TLE2: variants seen among roughly 807,000 people sequenced by gnomAD.
The protein encoded by TLE2 is TLE family member 2, transcriptional corepressor, also known as transducin-like enhancer protein 2.
TLE2 carries 74 observed loss-of-function variants against 97.2 expected under a neutral mutation model. That is an observed-to-expected ratio of 0.76 (90% CI 0.63 to 0.92). The LOEUF (loss-of-function observed/expected upper bound fraction) is 0.92. Among genes scored for constraint, TLE2 ranks in the 40% least tolerant of loss-of-function variants. The pLI is 0.00. For missense variants in TLE2, 1,038 were observed against 1,008.7 expected (o/e 1.03, Z -0.39); for synonymous variants, 499 against 432.1 (o/e 1.15, Z -1.92).
At chr19:3,017,694 C>A (rs929353843) in intron 8 of TLE2, 146 bp downstream of exon 8, 1 of 648,260 alleles carries the variant, frequency 1.5e-6, no homozygotes, top group Admixed American at 3.4e-5. Flanking sequence ...TCAAATGATT[C>A]TCCTACCTCT....
At chr19:3,032,250 G>A (rs1323403740), upstream of TLE2, among the ~76,000 whole-genome samples, 1 of 143,922 alleles carries the variant, frequency 6.9e-6, no homozygotes, top group East Asian at 2.1e-4. The surrounding 1 kb of genome is among the most constrained non-coding windows in gnomAD (Gnocchi z 4.1). Flanking sequence ...TTTTGTTTTT[G>A]TTTGTTTTGA....
intron 8 of TLE2, among the ~76,000 whole-genome samples, chr19:3,016,377 C>T (rs1188256378): frequency 2.1e-5 from 3 of 142,648 alleles, no homozygotes; most frequent in Non-Finnish European, 3.0e-5. Context: ...AGATTGAGAC[C>T]ATCCTGGCTA....
chr19:3,021,006 T>C (rs546368034), intron 5 of TLE2, among the ~76,000 whole-genome samples: 2 of 145,486 alleles, frequency 1.4e-5, no homozygotes, highest in South Asian at 2.2e-4. Context: ...GGAGAATCAC[T>C]TGAACCCAAG....
intron 18 of TLE2, among the ~76,000 whole-genome samples, chr19:3,002,150 C>T (rs531143435): frequency 5.9e-5 from 9 of 152,232 alleles, no homozygotes; most frequent in Admixed American, 3.3e-4. Context: ...AGGTATATCC[C>T]AAATACTTCA....
At position 2,997,903 on chromosome 19, in the gene TLE2, TA is replaced by T. The variant is rs1329289062; in HGVS notation, c.2176del (p.Tyr726ThrfsTer3). 1 of 1,613,026 alleles carries T rather than the reference TA, an allele frequency of 6.2e-7. No homozygotes were observed. Among genetic ancestry groups the T allele is most frequent in the Non-Finnish European group, 8.5e-7 (1 of 1,179,654 alleles). ...CTTGTCCCCCGAGCCTGTCACGATG[TA>T]TTTGTTATTTCTGGAGATGTCACAA... ...LSCDISRNNK[Y>X]IVTGSGDKKA... On this transcript the variant is annotated frameshift_variant, in exon 20 of 20. Transcript: ENST00000262953. LOFTEE classifies it high-confidence loss of function.
Position 3,006,562 on chromosome 19 carries a change from G to A in TLE2, c.1358C>T (p.Thr453Met). The A allele has an allele frequency of 2.5e-6, 4 of 1,603,270 alleles. No individual in the cohort carries two copies. The highest frequency in any genetic ancestry group is 1.1e-5 in the South Asian group (1 of 89,478). Residue 453 changes from threonine to methionine, a missense_variant, in exon 15 of 20, where the codon ACG (threonine) becomes ATG (methionine). Coordinates refer to ENST00000262953, the MANE Select transcript of TLE2 (RefSeq NM_003260.5). Reference sequence around the variant, plus strand: ...GCAGACCACCTCGCCATGGGCCAGCGTGTGCAGCTGCCGGGCGTGCCGCGG... The same window carrying A: ...GCAGACCACCTCGCCATGGGCCAGCATGTGCAGCTGCCGGGCGTGCCGCGG... The part of the protein sequence containing the change: ...GIPRHARQLH[T>M]LAHGEVVCAV...
At chr19:3,033,310 G>A (rs956857045), upstream of TLE2, among the ~76,000 whole-genome samples, 7 of 152,100 alleles carry the variant, frequency 4.6e-5, no homozygotes, top group African/African-American at 1.7e-4. Context: ...TGGGACTACA[G>A]GCGCCCACCA....
chr19:3,047,412 G>GA (rs2090152977), upstream of TLE2, among the ~76,000 whole-genome samples: 1 of 147,884 alleles, frequency 6.8e-6, no homozygotes, highest in Admixed American at 6.7e-5. Flanking sequence ...AACCCTGCGG[G>GA]GGCCTGGGAG....
chr19:3,009,488 C>G, intron 13 of TLE2, 54 bp downstream of exon 13: 3 of 1,521,648 alleles, frequency 2.0e-6, no homozygotes, highest in Non-Finnish European at 2.6e-6. Flanking sequence ...CTCCTCCCGG[C>G]CCCCAGCCCC....
At position 3,028,768 on chromosome 19, in the gene TLE2, C is replaced by A; in HGVS notation, c.60G>T (p.Ser20=). The A allele has an allele frequency of 6.2e-7, 1 of 1,612,872 alleles. No homozygotes were observed. Among genetic ancestry groups the A allele is most frequent in the Non-Finnish European group, 8.5e-7 (1 of 1,179,846 alleles). The change falls in exon 2 of 20, where the codon TCG becomes TCT. Residue 20 remains serine (S), a synonymous_variant. Transcript: ENST00000262953. ...TGATGCGGTCGCAGATCTCCAAGAT[C>A]GAGAACTTGAAGGGCTGGCCGGACT... is the stretch of plus-strand genomic sequence containing the variant. ...PLQSGQPFKF[S]ILEICDRIKE...
intron 3 of TLE2, 71 bp from the exon 4 acceptor site, chr19:3,027,944 G>T: frequency 6.8e-7 from 1 of 1,477,164 alleles, no homozygotes; most frequent in East Asian, 2.4e-5. Context: ...GGTGATGCCA[G>T]GGTCTTCCAA....
upstream of TLE2, among the ~76,000 whole-genome samples, chr19:3,046,889 T>A (rs2090145010): frequency 7.1e-6 from 1 of 141,160 alleles, no homozygotes. Context: ...GCTGGGAGCA[T>A]CGCTGTGCCT....
Position 3,008,878 on chromosome 19 carries a change from C to A in TLE2, c.1241G>T (p.Gly414Val), listed in dbSNP as rs370103986. ...SVSSSLPSIP[G>V]GKPAYSFHVS... is the part of the protein sequence containing the mutation. The stretch of plus-strand genomic sequence containing the variant: ...CCACCCTGGTACTCACGGCTTTCCC[C>A]CAGGGATGCTGGGTAGGGAGGAAGA... The change falls in exon 14 of 20, where the codon GGG (glycine) becomes GTG (valine). Residue 414 changes from glycine (G) to valine (V), a missense_variant. By Grantham distance (109) the Gly-to-Val change is moderately radical. Transcript: ENST00000262953. 2.8e-5 allele frequency: 45 copies of A among 1,586,208 alleles called. No homozygotes were observed. The South Asian group carries it at 3.5e-4, about 12-fold the overall frequency.
chr19:3,041,215 TG>T (rs1484786512), intron 1 of TLE2, among the ~76,000 whole-genome samples: 2 of 150,844 alleles, frequency 1.3e-5, no homozygotes, highest in Admixed American at 6.6e-5. Context: ...TTAGTAGAGA[TG>T]GGGTTTCACC....
At chr19:3,021,939 C>T (rs1284538550) in intron 5 of TLE2, among the ~76,000 whole-genome samples, 1 of 152,118 alleles carries the variant, frequency 6.6e-6, no homozygotes, top group Middle Eastern at 3.2e-3. Flanking sequence ...GGCGCAGTGG[C>T]TCATGCCTGT....
chr19:3,012,465 C>T (rs2089617363), intron 11 of TLE2, among the ~76,000 whole-genome samples: 2 of 152,198 alleles, frequency 1.3e-5, no homozygotes, highest in South Asian at 2.1e-4. Context: ...GATCGTCCTG[C>T]CTTGGCCTCC....
chr19:3,047,194 A>G (rs112527548), upstream of TLE2, among the ~76,000 whole-genome samples: 2 of 73,672 alleles, frequency 2.7e-5, no homozygotes. Context: ...CCTCCGCCTC[A>G]TTAGGCGCGG....
intron 14 of TLE2, 81 bp from the exon 15 acceptor site, chr19:3,006,750 T>C: frequency 6.7e-7 from 1 of 1,498,378 alleles, no homozygotes; most frequent in Non-Finnish European, 8.9e-7. Flanking sequence ...GAGACGCCTT[T>C]GTCCTGCCTG....
intron 1 of TLE2, among the ~76,000 whole-genome samples, chr19:3,039,647 G>T (rs2090086070): frequency 6.6e-6 from 1 of 152,072 alleles, no homozygotes; most frequent in Non-Finnish European, 1.5e-5. Context: ...TGTACGGTCT[G>T]CCCAGGCCCC....
Sources: gnomAD v4.1 joint callset for allele counts (sites outside exome capture counted in the v4.1 genomes callset) on GRCh38, gnomAD v4.1.1 for gene constraint, Gnocchi (gnomAD v3.1) non-coding constraint, MANE v1.5 for transcripts, NCBI Gene and HGNC (gene_info 2026-07-23, HGNC 2026-07-21) for gene names.